The following HDAC9 variants were observed in gnomAD, a reference collection of about 807,000 sequenced individuals.
The protein encoded by HDAC9 is histone deacetylase 9.
A neutral mutation model predicts 139.4 loss-of-function variants in HDAC9; 41 were observed. The ratio of observed to expected loss-of-function variants is 0.29; its 90% CI spans 0.23 to 0.38. The LOEUF (loss-of-function observed/expected upper bound fraction) is 0.38, where lower values mean the gene tolerates loss of function less well. Among genes scored for constraint, HDAC9 ranks in the 10% least tolerant of loss-of-function variants. The pLI is 1.00. For missense variants in HDAC9, 1,147 were observed against 1,297.0 expected, an observed-to-expected ratio of 0.88 and a Z score of 1.78; for synonymous variants, 517 against 476.2, an observed-to-expected ratio of 1.09 and a Z score of -1.12.
chr7:18,425,712 A>C (rs1380351851), intron 1 of HDAC9, among the ~76,000 whole-genome samples: 2 of 152,186 alleles, frequency 1.3e-5, no homozygotes, highest in Non-Finnish European at 2.9e-5. Flanking sequence ...ACTGTACATT[A>C]CATTTATAGA....
At chr7:18,477,324 G>C (rs76190481) in intron 1 of HDAC9, among the ~76,000 whole-genome samples, 2,775 of 152,206 alleles carry the variant, frequency 0.018, 79 homozygotes, top group African/African-American at 0.061. Flanking sequence ...TCCCCACTAA[G>C]TCACAGTTTA....
chr7:18,767,819 C>G lies in HDAC9; in HGVS notation c.2214+664C>G, dbSNP rs1789958953. Among the ~76,000 whole-genome samples the G allele has an allele frequency of 2.0e-5, 3 of 152,196 alleles. No homozygotes were observed. The South Asian group carries it at 6.2e-4, about 32-fold the overall frequency. On this transcript the variant is annotated intron_variant, in intron 16 of 25. Coordinates refer to ENST00000686413, the MANE Select transcript of HDAC9 (RefSeq NM_178425.4). ...ACCCTTACCAGTAACAAACCATCAT[C>G]CTGTAGAACTAAGTGTTATGTTAGA...
At chr7:18,158,500 C>T (rs1412915921) in intron 1 of HDAC9, among the ~76,000 whole-genome samples, 4 of 152,268 alleles carry the variant, frequency 2.6e-5, no homozygotes, top group East Asian at 3.9e-4. Flanking sequence ...CTTGCAATGC[C>T]GCGAAGAAAG....
At chr7:18,358,908 A>G (rs767583980) in intron 1 of HDAC9, among the ~76,000 whole-genome samples, 4 of 152,246 alleles carry the variant, frequency 2.6e-5, no homozygotes, top group Admixed American at 2.6e-4. Context: ...TACCTGTCAC[A>G]TAGTCAGTAG....
chr7:18,827,739 A>T (rs1047949563), intron 17 of HDAC9, among the ~76,000 whole-genome samples: 1 of 152,126 alleles, frequency 6.6e-6, no homozygotes, highest in East Asian at 1.9e-4. Flanking sequence ...TTACATGCTA[A>T]TTATATTCTT....
intron 22 of HDAC9, among the ~76,000 whole-genome samples, chr7:18,911,317 A>G (rs1025956049): frequency 6.6e-6 from 1 of 151,520 alleles, no homozygotes; most frequent in East Asian, 2.0e-4. Context: ...ATAGTTGTAT[A>G]GTTGGTGTCA....
intron 1 of HDAC9, among the ~76,000 whole-genome samples, chr7:18,403,647 G>C (rs1373978956): frequency 6.6e-6 from 1 of 152,166 alleles, no homozygotes; most frequent in African/African-American, 2.4e-5. Context: ...ATGAACCCTA[G>C]GTAGGCTTGG....
intron 2 of HDAC9, among the ~76,000 whole-genome samples, chr7:18,168,891 TTTTTTTTG>T (rs1398272348): frequency 2.6e-5 from 3 of 114,666 alleles, no homozygotes; most frequent in Non-Finnish European, 5.1e-5. Flanking sequence ...TTTTTTTTTT[TTTTTTTTG>T]TGTGTGTGTG....
intron 12 of HDAC9, chr7:18,666,839 A>G (rs568148981): frequency 1.9e-6 from 2 of 1,059,478 alleles, no homozygotes; most frequent in South Asian, 7.1e-5. Context: ...TTTTGAGTTT[A>G]TGTGTTGAGA....
intron 24 of HDAC9, among the ~76,000 whole-genome samples, chr7:18,957,426 A>G (rs967199568): frequency 6.6e-6 from 1 of 152,154 alleles, no homozygotes; most frequent in African/African-American, 2.4e-5. Context: ...TTTCCTTACA[A>G]GATATGAAAT....
chr7:18,239,710 A>G (rs1794061554), intron 2 of HDAC9, among the ~76,000 whole-genome samples: 1 of 152,172 alleles, frequency 6.6e-6, no homozygotes, highest in Non-Finnish European at 1.5e-5. Context: ...GAGTCTTCCT[A>G]TAGTTTAATC....
chr7:18,338,774 TA>T (rs1781775645), intron 1 of HDAC9, among the ~76,000 whole-genome samples: 1 of 151,538 alleles, frequency 6.6e-6, no homozygotes, highest in African/African-American at 2.4e-5. Context: ...TCTGATCCCA[TA>T]TAATAAATTG....
At chr7:18,148,542 C>T (rs753761870) in intron 1 of HDAC9, among the ~76,000 whole-genome samples, 17 of 152,240 alleles carry the variant, frequency 1.1e-4, no homozygotes, top group South Asian at 6.2e-4. Context: ...CTGCAACCTC[C>T]GCCTCCCGGG....
chr7:18,934,937 C>T (rs1020491611), intron 22 of HDAC9, among the ~76,000 whole-genome samples: 4 of 152,176 alleles, frequency 2.6e-5, no homozygotes, highest in East Asian at 1.9e-4. Context: ...AATGGGTAAC[C>T]TCTGTTGACA....
intron 1 of HDAC9, among the ~76,000 whole-genome samples, chr7:18,346,174 T>C (rs1782406355): frequency 6.6e-6 from 1 of 152,126 alleles, no homozygotes; most frequent in Non-Finnish European, 1.5e-5. Flanking sequence ...TTCTTTCTCC[T>C]TCCTAGGATA....
At chr7:18,338,611 CAGATGATAAATCA>C (rs544590036) in intron 1 of HDAC9, among the ~76,000 whole-genome samples, 7 of 151,560 alleles carry the variant, frequency 4.6e-5, no homozygotes, top group Admixed American at 1.3e-4. Context: ...TATTGATTTT[CAGATGATAAATCA>C]ATCTTGCATT....
chr7:18,918,795 G>C (rs1279243179), intron 22 of HDAC9, among the ~76,000 whole-genome samples: 3 of 151,992 alleles, frequency 2.0e-5, no homozygotes, highest in Non-Finnish European at 2.9e-5. Flanking sequence ...GCTTTTCCTT[G>C]TAGTTAAATG....
chr7:18,688,040 A>G (rs917010607), intron 12 of HDAC9, among the ~76,000 whole-genome samples: 8 of 151,958 alleles, frequency 5.3e-5, no homozygotes, highest in Admixed American at 3.9e-4. Flanking sequence ...CAAACAGCCC[A>G]TATAACCTGA....
chr7:18,093,154 A>G (rs886089226), intron 1 of HDAC9, among the ~76,000 whole-genome samples: 4 of 152,210 alleles, frequency 2.6e-5, no homozygotes, highest in Non-Finnish European at 4.4e-5. Flanking sequence ...TCTATTTTGT[A>G]TCTCAAACTC....
Sources: gnomAD v4.1 joint callset for allele counts (sites outside exome capture counted in the v4.1 genomes callset) on GRCh38, gnomAD v4.1.1 for gene constraint, MANE v1.5 for transcripts, NCBI Gene and HGNC (gene_info 2026-07-23, HGNC 2026-07-21) for gene names.